The following DOCK1 variants were observed in gnomAD, a reference collection of about 807,000 sequenced individuals.
DOCK1 encodes the protein dedicator of cytokinesis protein 1.
In DOCK1, 138 loss-of-function variants were observed where a neutral mutation model predicts 262.7. The observed-to-expected ratio is 0.53, with a 90% confidence interval of 0.46 to 0.61. The LOEUF is 0.61. Ranked by LOEUF, DOCK1 falls within the 20% of genes least tolerant of loss-of-function variation. The pLI, the probability that DOCK1 is intolerant of heterozygous loss-of-function variation, is 0.00. For synonymous variants in DOCK1, 866 were observed against 867.4 expected, an observed-to-expected ratio of 1.00 and a Z score of 0.03; for missense variants, 1,908 against 2,370.7, an observed-to-expected ratio of 0.80 and a Z score of 4.05.
intron 1 of DOCK1, among the ~76,000 whole-genome samples, chr10:126,918,979 C>T (rs575744134): frequency 0.021 from 2,220 of 106,014 alleles, 29 homozygotes; most frequent in African/African-American, 0.056. Flanking sequence ...GAGGAGAAAG[C>T]CGAGAGGGAG....
chr10:127,096,551 A>T (rs1303111209), intron 23 of DOCK1, among the ~76,000 whole-genome samples: 1 of 152,064 alleles, frequency 6.6e-6, no homozygotes, highest in Non-Finnish European at 1.5e-5. Context: ...ATTTTGTATC[A>T]CCCATAACTC....
At chr10:127,418,594 T>C in intron 45 of DOCK1, 53 bp downstream of exon 45, 1 of 1,550,196 alleles carries the variant, frequency 6.5e-7, no homozygotes, top group Non-Finnish European at 8.7e-7. Context: ...GGGGACAGAC[T>C]GAAAATTCCC....
chr10:127,190,863 C>G (rs553962143), intron 27 of DOCK1, among the ~76,000 whole-genome samples: 1 of 152,050 alleles, frequency 6.6e-6, no homozygotes, highest in South Asian at 2.1e-4. Context: ...CTGGCACATT[C>G]TCATCTGTGA....
intron 4 of DOCK1, among the ~76,000 whole-genome samples, chr10:126,982,568 T>C (rs923260969): frequency 2.0e-5 from 3 of 152,238 alleles, no homozygotes; most frequent in African/African-American, 4.8e-5. Flanking sequence ...TTTTTGTCTC[T>C]GCTACATCTT....
intron 13 of DOCK1, among the ~76,000 whole-genome samples, chr10:127,022,367 A>C (rs1313233405): frequency 1.3e-5 from 2 of 151,814 alleles, no homozygotes; most frequent in African/African-American, 4.8e-5. Context: ...TTTAGGGTAC[A>C]TGTGCACAAC....
Position 127,000,239 on chromosome 10 carries a change from G to T in DOCK1, c.917G>T (p.Arg306Leu), listed in dbSNP as rs746267114. The change falls in exon 10 of 52, where the codon CGC becomes CTC. Residue 306 changes from arginine to leucine, a missense_variant. By Grantham distance (102) the Arg-to-Leu change is moderately radical (BLOSUM62 -2). Coordinates refer to ENST00000623213, the MANE Select transcript of DOCK1 (RefSeq NM_001290223.2). ...SFVCQIVRVGRMELRDNNTRK... is the reference protein window; with the variant it reads ...SFVCQIVRVGLMELRDNNTRK... The stretch of plus-strand genomic sequence containing the variant: ...GTCTGTCAGATTGTTCGCGTGGGTC[G>T]CATGGAGCTGAGGGACAACAACACC... 4 of 1,613,878 alleles carry T rather than the reference G, an allele frequency of 2.5e-6. No individual in the cohort carries two copies. The highest frequency in any genetic ancestry group is 3.4e-6 in the Non-Finnish European group (4 of 1,179,882).
chr10:127,089,190 T>C (rs916854350), intron 23 of DOCK1, among the ~76,000 whole-genome samples: 26 of 152,222 alleles, frequency 1.7e-4, no homozygotes, highest in Admixed American at 6.5e-5. Flanking sequence ...GCCTTGTCCC[T>C]GGACCCCTCC....
chr10:126,966,297 A>G (rs950957988), intron 1 of DOCK1, among the ~76,000 whole-genome samples: 10 of 152,114 alleles, frequency 6.6e-5, no homozygotes, highest in Admixed American at 3.9e-4. Flanking sequence ...TTCTTTATTC[A>G]TCTGTGTGGG....
intron 25 of DOCK1, among the ~76,000 whole-genome samples, chr10:127,122,771 C>G (rs561969075): frequency 2.0e-5 from 3 of 152,054 alleles, no homozygotes; most frequent in Non-Finnish European, 4.4e-5. Flanking sequence ...GTAGCGCAGT[C>G]CTCCAGGTGG....
intron 1 of DOCK1, among the ~76,000 whole-genome samples, chr10:126,917,308 C>T (rs7394081): frequency 6.6e-6 from 1 of 152,022 alleles, no homozygotes; most frequent in Non-Finnish European, 1.5e-5. Flanking sequence ...GTGGGTATTT[C>T]GGGCTTGTGG....
intron 27 of DOCK1, among the ~76,000 whole-genome samples, chr10:127,140,243 A>G (rs940687710): frequency 2.0e-5 from 3 of 152,196 alleles, no homozygotes; most frequent in African/African-American, 7.2e-5. Flanking sequence ...ACACCAAGGA[A>G]CCATGTAATC....
chr10:127,191,290 C>T (rs989550763), intron 27 of DOCK1, among the ~76,000 whole-genome samples: 2 of 152,146 alleles, frequency 1.3e-5, no homozygotes, highest in East Asian at 1.9e-4. Context: ...TGGACTTGAG[C>T]TTCTTGGAGT....
rs144556096 is a variant in DOCK1 at position 127,413,805 on chromosome 10, C to T, written c.4429-1347C>T. Among the ~76,000 whole-genome samples the T allele has an allele frequency of 3.7e-4, 57 of 152,288 alleles. 1 individual carries two copies. The South Asian group carries it at 7.1e-3, about 19-fold the overall frequency. On this transcript the variant is annotated intron_variant, in intron 43 of 51. Coordinates refer to ENST00000623213, the MANE Select transcript of DOCK1 (RefSeq NM_001290223.2). ...GGGCAAAGAGGACTGGTGTGGGACACGGAGGCCTTGCCTGTGTCCTTATGG... is the reference window on the plus strand; with the variant it reads ...GGGCAAAGAGGACTGGTGTGGGACATGGAGGCCTTGCCTGTGTCCTTATGG...
intron 28 of DOCK1, among the ~76,000 whole-genome samples, chr10:127,250,431 G>A (rs114757931): frequency 0.014 from 2,159 of 151,426 alleles, 62 homozygotes; most frequent in African/African-American, 0.05. Context: ...TTTCCCAGGG[G>A]ATGTTTTTCC....
intron 11 of DOCK1, among the ~76,000 whole-genome samples, chr10:127,011,784 A>AT (rs201758444): frequency 2.3e-4 from 34 of 146,576 alleles, no homozygotes; most frequent in East Asian, 1.8e-3. Flanking sequence ...GGTTCCAGGG[A>AT]TTTTTTTTTT....
At chr10:127,090,988 T>TC (rs2047492448) in intron 23 of DOCK1, among the ~76,000 whole-genome samples, 1 of 151,522 alleles carries the variant, frequency 6.6e-6, no homozygotes, top group Admixed American at 6.6e-5. Context: ...ATTTGGTTTT[T>TC]TTTTTTTTTT....
chr10:127,415,763 A>G (rs560249590), intron 44 of DOCK1, among the ~76,000 whole-genome samples: 2 of 152,296 alleles, frequency 1.3e-5, no homozygotes, highest in East Asian at 3.9e-4. Flanking sequence ...TTGCTTTGAG[A>G]TGGGGCAGTT....
chr10:127,399,251 C>G (rs1375004445), intron 38 of DOCK1, among the ~76,000 whole-genome samples: 1 of 152,184 alleles, frequency 6.6e-6, no homozygotes, highest in Non-Finnish European at 1.5e-5. Flanking sequence ...AAGCCTGTAG[C>G]ACTTCTGAGA....
At chr10:127,018,599 A>T in intron 12 of DOCK1, 111 bp from the exon 13 acceptor site, 1 of 1,541,186 alleles carries the variant, frequency 6.5e-7, no homozygotes, top group Non-Finnish European at 8.8e-7. Context: ...TTTTCTCTCA[A>T]GATGTTGAAT....
Sources: gnomAD v4.1 joint callset for allele counts (sites outside exome capture counted in the v4.1 genomes callset) on GRCh38, gnomAD v4.1.1 for gene constraint, MANE v1.5 for transcripts, NCBI Gene and HGNC (gene_info 2026-07-23, HGNC 2026-07-21) for gene names.